PALM2AKAP2: variants seen among roughly 807,000 people sequenced by gnomAD.
PALM2AKAP2 encodes the protein PALM2 and AKAP2 fusion, also known as PALM2-AKAP2 fusion protein.
PALM2AKAP2 carries 37 observed loss-of-function variants against 71.5 expected under a neutral mutation model. The observed-to-expected ratio is 0.52, with a 90% confidence interval of 0.40 to 0.68. PALM2AKAP2 has a LOEUF of 0.68. Among genes scored for constraint, PALM2AKAP2 ranks in the 30% least tolerant of loss-of-function variants. The probability of loss-of-function intolerance (pLI) is 0.00; values close to 1 mark genes in which losing one functional copy is unlikely to be tolerated. For missense variants in PALM2AKAP2, 1,224 were observed against 1,191.8 expected, an observed-to-expected ratio of 1.03 and a Z score of -0.40; for synonymous variants, 468 against 478.8, an observed-to-expected ratio of 0.98 and a Z score of 0.29.
chr9:109,689,940 T>C (rs1827857752), intron 1 of PALM2AKAP2, among the ~76,000 whole-genome samples: 1 of 152,016 alleles, frequency 6.6e-6, no homozygotes, highest in Non-Finnish European at 1.5e-5. Flanking sequence ...AGAAGTGGAA[T>C]GAGGCCAGGA....
chr9:109,861,132 A>G (rs1198207527), intron 1 of PALM2AKAP2, among the ~76,000 whole-genome samples: 1 of 152,096 alleles, frequency 6.6e-6, no homozygotes, highest in African/African-American at 2.4e-5. Context: ...CAGTGGAGGA[A>G]AGGAAACACC....
intron 1 of PALM2AKAP2, among the ~76,000 whole-genome samples, chr9:109,696,263 T>C (rs1827968951): frequency 6.6e-6 from 1 of 152,142 alleles, no homozygotes; most frequent in African/African-American, 2.4e-5. Flanking sequence ...AAAAGCCCAG[T>C]AGCCAAATTT....
intron 3 of PALM2AKAP2, among the ~76,000 whole-genome samples, chr9:110,162,348 G>A (rs1410739665): frequency 1.3e-5 from 2 of 152,198 alleles, no homozygotes; most frequent in Non-Finnish European, 2.9e-5. Context: ...GCTGTGCTGT[G>A]CTGTGGGGGC....
intron 1 of PALM2AKAP2, among the ~76,000 whole-genome samples, chr9:109,803,196 A>G (rs1827480836): frequency 6.6e-6 from 1 of 152,272 alleles, no homozygotes; most frequent in Admixed American, 6.5e-5. Flanking sequence ...AGGAAACACA[A>G]TAGCATATCT....
intron 2 of PALM2AKAP2, among the ~76,000 whole-genome samples, chr9:110,150,589 A>G (rs977197289): frequency 1.3e-5 from 2 of 152,076 alleles, no homozygotes; most frequent in Non-Finnish European, 2.9e-5. Flanking sequence ...CTTAATCACA[A>G]CTGCAAAGTT....
chr9:109,898,255 A>G (rs1470430134), intron 3 of PALM2AKAP2, among the ~76,000 whole-genome samples: 1 of 152,232 alleles, frequency 6.6e-6, no homozygotes, highest in Non-Finnish European at 1.5e-5. Context: ...GGTTATAGCA[A>G]CATCAAGGTC....
chr9:110,096,797 G>C (rs10980200), intron 1 of PALM2AKAP2, among the ~76,000 whole-genome samples: 35 of 151,048 alleles, frequency 2.3e-4, no homozygotes, highest in South Asian at 4.2e-4. Context: ...GGTTGGGGGG[G>C]GGTGAGTCCA....
chr9:110,143,051 GTATGT>G (rs1836072808), intron 2 of PALM2AKAP2, among the ~76,000 whole-genome samples: 2 of 151,926 alleles, frequency 1.3e-5, no homozygotes, highest in African/African-American at 4.8e-5. Flanking sequence ...TGAACACCCT[GTATGT>G]TATGTGAGGG....
chr9:110,165,613 TAAGAA>T (rs1227732924), intron 3 of PALM2AKAP2, among the ~76,000 whole-genome samples: 1 of 152,180 alleles, frequency 6.6e-6, no homozygotes, highest in East Asian at 1.9e-4. Context: ...GGGAATGAAT[TAAGAA>T]AAGAGAGCTC....
At chr9:109,942,773 G>A (rs773252599) in intron 6 of PALM2AKAP2, 1 of 1,614,116 alleles carries the variant, frequency 6.2e-7, no homozygotes, top group Admixed American at 1.7e-5. Flanking sequence ...GGCCCAGAGG[G>A]GGTCCATCAG....
At chr9:110,081,826 C>T (rs953903540) in intron 1 of PALM2AKAP2, among the ~76,000 whole-genome samples, 6 of 152,116 alleles carry the variant, frequency 3.9e-5, no homozygotes, top group East Asian at 3.9e-4. Context: ...AGAGCCCTCA[C>T]GATGTTAGAG....
chr9:110,062,298 G>A (rs1280607638), intron 1 of PALM2AKAP2, among the ~76,000 whole-genome samples: 3 of 151,846 alleles, frequency 2.0e-5, no homozygotes, highest in Non-Finnish European at 4.4e-5. Flanking sequence ...CTGTGTCCAT[G>A]TATACTCATT....
intron 1 of PALM2AKAP2, among the ~76,000 whole-genome samples, chr9:109,700,036 A>G (rs1335231018): frequency 6.6e-6 from 1 of 152,146 alleles, no homozygotes; most frequent in Non-Finnish European, 1.5e-5. Flanking sequence ...AGCCTCCCAG[A>G]TTGCTGAGAT....
At chr9:109,916,193 C>A (rs1830687297) in intron 3 of PALM2AKAP2, among the ~76,000 whole-genome samples, 1 of 152,206 alleles carries the variant, frequency 6.6e-6, no homozygotes, top group African/African-American at 2.4e-5. Flanking sequence ...ATCCACCCAC[C>A]TTGGCCTCCC....
intron 3 of PALM2AKAP2, among the ~76,000 whole-genome samples, chr9:110,158,262 G>T (rs1274657938): frequency 6.6e-6 from 1 of 152,202 alleles, no homozygotes; most frequent in African/African-American, 2.4e-5. Flanking sequence ...TGGTGCTCTA[G>T]GTGTCTGGTT....
intron 1 of PALM2AKAP2, among the ~76,000 whole-genome samples, chr9:109,844,017 TG>T (rs556639982): frequency 6.8e-4 from 104 of 152,360 alleles, no homozygotes; most frequent in African/African-American, 2.4e-3. Context: ...TTTGCAGATT[TG>T]GGTTCTCTTT....
intron 1 of PALM2AKAP2, among the ~76,000 whole-genome samples, chr9:109,794,621 G>T (rs1827870395): frequency 6.6e-6 from 1 of 152,128 alleles, no homozygotes. Flanking sequence ...TTTACAAATA[G>T]AGTGGCCACT....
At chr9:109,890,976 T>C (rs1303712337) in intron 3 of PALM2AKAP2, among the ~76,000 whole-genome samples, 1 of 152,136 alleles carries the variant, frequency 6.6e-6, no homozygotes. Flanking sequence ...AAAAATTAAA[T>C]AATATCTGAA....
chr9:110,144,769 A>G (rs954231649), intron 2 of PALM2AKAP2, among the ~76,000 whole-genome samples: 44 of 152,186 alleles, frequency 2.9e-4, no homozygotes, highest in Non-Finnish European at 6.3e-4. Flanking sequence ...TTGCTGCCAA[A>G]TAAGTTATGA....
Sources: gnomAD v4.1 joint callset for allele counts (sites outside exome capture counted in the v4.1 genomes callset) on GRCh38, gnomAD v4.1.1 for gene constraint, MANE v1.5 for transcripts, NCBI Gene and HGNC (gene_info 2026-07-23, HGNC 2026-07-21) for gene names.